AGBL4: variants seen among roughly 807,000 people sequenced by gnomAD.
AGBL4 encodes cytosolic carboxypeptidase 6.
Under a neutral mutation model 66.4 loss-of-function variants are expected in AGBL4, and 58 were observed. That is an observed-to-expected ratio of 0.87 (90% CI 0.71 to 1.09). The LOEUF is 1.09. AGBL4 is among the 50% of genes least tolerant of loss of function. AGBL4 has a pLI of 0.00. For missense variants in AGBL4, 579 were observed against 631.0 expected, an observed-to-expected ratio of 0.92 and a Z score of 0.88; for synonymous variants, 234 against 222.9, an observed-to-expected ratio of 1.05 and a Z score of -0.44.
intron 2 of AGBL4, among the ~76,000 whole-genome samples, chr1:49,731,105 A>G (rs1040893631): frequency 2.0e-5 from 3 of 152,168 alleles, no homozygotes; most frequent in African/African-American, 7.2e-5. Flanking sequence ...AGGACAAAGT[A>G]CTTATTCCCT....
intron 3 of AGBL4, among the ~76,000 whole-genome samples, chr1:49,584,961 G>T (rs1286056569): frequency 6.6e-6 from 1 of 152,160 alleles, no homozygotes; most frequent in Non-Finnish European, 1.5e-5. Context: ...AAATGGACTT[G>T]CTTTCCCTCT....
intron 3 of AGBL4, among the ~76,000 whole-genome samples, chr1:49,416,778 T>G (rs1267219697): frequency 6.6e-6 from 1 of 152,108 alleles, no homozygotes. Context: ...GATAAAAGTA[T>G]GGCCTGGAAT....
At chr1:48,701,841 T>C (rs190090261) in intron 6 of AGBL4, among the ~76,000 whole-genome samples, 3 of 152,240 alleles carry the variant, frequency 2.0e-5, no homozygotes, top group African/African-American at 7.2e-5. Flanking sequence ...GAACTCTCAG[T>C]CTACTAGAGG....
intron 6 of AGBL4, among the ~76,000 whole-genome samples, chr1:48,822,671 C>T (rs528925190): frequency 2.6e-4 from 39 of 152,286 alleles, no homozygotes; most frequent in Admixed American, 1.2e-3. Context: ...TGTGATTCCT[C>T]CAAATAAACA....
chr1:48,746,433 C>A (rs1263291008), intron 6 of AGBL4, among the ~76,000 whole-genome samples: 1 of 152,170 alleles, frequency 6.6e-6, no homozygotes, highest in African/African-American at 2.4e-5. Context: ...TCAAGGTTCA[C>A]GACGGTCCCC....
At chr1:49,534,253 T>TA (rs1287240451) in intron 3 of AGBL4, among the ~76,000 whole-genome samples, 5 of 147,618 alleles carry the variant, frequency 3.4e-5, no homozygotes, top group Non-Finnish European at 7.4e-5. Flanking sequence ...ACAATATGGC[T>TA]AAAATAATGA....
At chr1:49,854,513 C>CA (rs1368904339) in intron 1 of AGBL4, among the ~76,000 whole-genome samples, 9 of 152,228 alleles carry the variant, frequency 5.9e-5, no homozygotes, top group Admixed American at 5.9e-4. Flanking sequence ...AGAGGAAACT[C>CA]ACACTCTGTT....
intron 3 of AGBL4, among the ~76,000 whole-genome samples, chr1:49,596,345 T>A (rs961516841): frequency 6.6e-6 from 1 of 152,078 alleles, no homozygotes; most frequent in Non-Finnish European, 1.5e-5. Context: ...GATTCTTGTA[T>A]TTTTTGGTAG....
At chr1:48,971,100 A>C (rs1162143312) in intron 5 of AGBL4, among the ~76,000 whole-genome samples, 3 of 152,134 alleles carry the variant, frequency 2.0e-5, no homozygotes, top group African/African-American at 7.2e-5. Context: ...ATTCTATGGC[A>C]GGGGTCCCCA....
intron 2 of AGBL4, among the ~76,000 whole-genome samples, chr1:49,765,807 T>A (rs935099102): frequency 6.6e-6 from 1 of 152,050 alleles, no homozygotes; most frequent in African/African-American, 2.4e-5. Flanking sequence ...ATTGAAAGCT[T>A]TATCAATAGA....
chr1:49,329,316 C>A (rs1006727030), intron 3 of AGBL4, among the ~76,000 whole-genome samples: 3 of 151,806 alleles, frequency 2.0e-5, no homozygotes, highest in Admixed American at 2.0e-4. Context: ...CAAAACAAAA[C>A]AAAACAAAAA....
At chr1:49,022,178 C>T (rs1480667901) in intron 5 of AGBL4, among the ~76,000 whole-genome samples, 1 of 151,986 alleles carries the variant, frequency 6.6e-6, no homozygotes, top group African/African-American at 2.4e-5. Flanking sequence ...ATCTTCTTAG[C>T]AAAATAATTG....
chr1:49,176,944 G>C (rs1646843613), intron 4 of AGBL4, among the ~76,000 whole-genome samples: 1 of 152,042 alleles, frequency 6.6e-6, no homozygotes, highest in Non-Finnish European at 1.5e-5. Context: ...AAATTCAATA[G>C]CAAAAGAAAA....
At chr1:49,715,582 C>T (rs191299115) in intron 2 of AGBL4, among the ~76,000 whole-genome samples, 2 of 152,312 alleles carry the variant, frequency 1.3e-5, no homozygotes, top group African/African-American at 4.8e-5. Context: ...CTCCCACCAA[C>T]AGTGTAAAGC....
intron 3 of AGBL4, among the ~76,000 whole-genome samples, chr1:49,259,397 G>A (rs1232089309): frequency 2.0e-5 from 3 of 152,142 alleles, no homozygotes; most frequent in South Asian, 2.1e-4. Flanking sequence ...TCAGTGTGCT[G>A]TATTCGGGAA....
intron 5 of AGBL4, among the ~76,000 whole-genome samples, chr1:48,908,105 T>G (rs1306628579): frequency 1.3e-5 from 2 of 152,214 alleles, no homozygotes; most frequent in Admixed American, 6.5e-5. Context: ...GAGGCACTCC[T>G]AAGACTCCCT....
chr1:48,674,958 C>A (rs1042770293), intron 6 of AGBL4, among the ~76,000 whole-genome samples: 3 of 152,136 alleles, frequency 2.0e-5, no homozygotes, highest in Non-Finnish European at 4.4e-5. Context: ...CCCGCTTTTC[C>A]CCTCTGGTGA....
intron 9 of AGBL4, among the ~76,000 whole-genome samples, chr1:48,604,078 A>G (rs1645116848): frequency 6.6e-6 from 1 of 152,166 alleles, no homozygotes; most frequent in East Asian, 1.9e-4. Context: ...GGTTGCAGTG[A>G]GCCGAGTTGG....
chr1:49,888,189 A>G (rs1249246180), intron 1 of AGBL4, among the ~76,000 whole-genome samples: 1 of 152,208 alleles, frequency 6.6e-6, no homozygotes, highest in Non-Finnish European at 1.5e-5. Flanking sequence ...AACTGCACAA[A>G]TATTGATCCA....
Sources: allele counts gnomAD v4.1 joint callset (sites outside exome capture counted in the v4.1 genomes callset), GRCh38; gene constraint gnomAD v4.1.1; transcripts MANE v1.5; gene names NCBI Gene and HGNC (gene_info 2026-07-23, HGNC 2026-07-21).